The following DYNC2H1 variants were observed in gnomAD, a reference collection of about 807,000 sequenced individuals.
DYNC2H1 encodes the protein dynein cytoplasmic 2 heavy chain 1, also known as cytoplasmic dynein 2 heavy chain 1.
In DYNC2H1, 410 loss-of-function variants were observed where a neutral mutation model predicts 570.0. That is an observed-to-expected ratio of 0.72 (90% CI 0.66 to 0.78). DYNC2H1 has a LOEUF of 0.78. DYNC2H1 is among the 30% of genes least tolerant of loss of function. The probability of loss-of-function intolerance (pLI) is 0.00; values close to 1 mark genes in which losing one functional copy is unlikely to be tolerated. For synonymous variants in DYNC2H1, 1,688 were observed against 1,677.6 expected, an observed-to-expected ratio of 1.01 and a Z score of -0.15; for missense variants, 4,865 against 5,046.4, an observed-to-expected ratio of 0.96 and a Z score of 1.09.
intron 83 of DYNC2H1, among the ~76,000 whole-genome samples, chr11:103,393,649 G>A (rs981221070): frequency 6.6e-6 from 1 of 152,184 alleles, no homozygotes; most frequent in African/African-American, 2.4e-5. Context: ...TTAGAAATAT[G>A]TAATAGCATT....
intron 31 of DYNC2H1, among the ~76,000 whole-genome samples, chr11:103,167,726 T>C (rs994044203): frequency 6.6e-6 from 1 of 152,222 alleles, no homozygotes; most frequent in Non-Finnish European, 1.5e-5. Flanking sequence ...AATATTATGT[T>C]ATGAGGGTTT....
chr11:103,236,617 C>G (rs1483611997), intron 63 of DYNC2H1, 78 bp downstream of exon 63: 1 of 760,230 alleles, frequency 1.3e-6, no homozygotes, highest in East Asian at 2.9e-5. Context: ...TCTTCGTATT[C>G]TTAGTCTTTC....
chr11:103,317,654 G>A (rs1473514429), intron 80 of DYNC2H1, among the ~76,000 whole-genome samples: 1 of 152,096 alleles, frequency 6.6e-6, no homozygotes, highest in Non-Finnish European at 1.5e-5. Flanking sequence ...CTTACTTGAA[G>A]GTTTTAATAG....
chr11:103,226,372 A>G (rs536907244), intron 59 of DYNC2H1, among the ~76,000 whole-genome samples: 79 of 152,280 alleles, frequency 5.2e-4, no homozygotes, highest in Middle Eastern at 3.4e-3. Context: ...GGCTTTTATT[A>G]CCTTAAGGTA....
At chr11:103,308,642 C>T (rs1227283658) in intron 78 of DYNC2H1, among the ~76,000 whole-genome samples, 1 of 152,162 alleles carries the variant, frequency 6.6e-6, no homozygotes, top group Non-Finnish European at 1.5e-5. Flanking sequence ...TCCACATCCT[C>T]ACCAACACTT....
intron 85 of DYNC2H1, among the ~76,000 whole-genome samples, chr11:103,440,014 T>C (rs1440697726): frequency 1.3e-5 from 2 of 152,262 alleles, no homozygotes; most frequent in East Asian, 3.9e-4. Flanking sequence ...TTCTAAATTC[T>C]AGCGTGTTCT....
At chr11:103,134,699 A>G (rs1859449516) in intron 15 of DYNC2H1, among the ~76,000 whole-genome samples, 1 of 152,122 alleles carries the variant, frequency 6.6e-6, no homozygotes, top group African/African-American at 2.4e-5. Flanking sequence ...TTAAATATCT[A>G]TCACTTATTA....
At chr11:103,171,787 T>C (rs1012567932) in intron 34 of DYNC2H1, among the ~76,000 whole-genome samples, 12 of 152,132 alleles carry the variant, frequency 7.9e-5, no homozygotes, top group African/African-American at 2.4e-4. Flanking sequence ...GAGCTAGGAA[T>C]TGAACCCAGG....
intron 83 of DYNC2H1, among the ~76,000 whole-genome samples, chr11:103,360,844 G>A (rs1366160073): frequency 6.6e-6 from 1 of 152,106 alleles, no homozygotes; most frequent in African/African-American, 2.4e-5. Context: ...CAGATGCTGT[G>A]GGTGGAAAGC....
chr11:103,221,910 C>A, intron 57 of DYNC2H1, 120 bp from the exon 58 acceptor site: 2 of 985,702 alleles, frequency 2.0e-6, no homozygotes, highest in Non-Finnish European at 3.0e-6. Flanking sequence ...GGTTTTAATA[C>A]CATATTTTTG....
rs75515455 is a variant in DYNC2H1, at chr11:103,231,640, G to T, written c.9440+294G>T. 1.6e-4 allele frequency among the ~76,000 whole-genome samples: 24 copies of T among 152,018 alleles called. No homozygotes were observed. The East Asian group carries it at 4.6e-3, about 29-fold the overall frequency. ...TTTCATGTATCCCATTTAGTACAGG[G>T]TAGAAAATATTGGTATGGGAATTAT... On this transcript the variant is annotated intron_variant, in intron 60 of 88. Transcript: ENST00000375735.
chr11:103,387,661 C>A (rs112954507), intron 83 of DYNC2H1, among the ~76,000 whole-genome samples: 1 of 152,112 alleles, frequency 6.6e-6, no homozygotes, highest in Non-Finnish European at 1.5e-5. Context: ...TTTAATCCAT[C>A]TTGAATTAAT....
At chr11:103,160,816 A>G (rs1023991639) in intron 28 of DYNC2H1, 116 bp from the exon 29 acceptor site, 2 of 509,390 alleles carry the variant, frequency 3.9e-6, no homozygotes, top group Non-Finnish European at 6.7e-6. Context: ...GGTATACATT[A>G]TAATTTGATT....
At chr11:103,131,982 A>G (rs1018699744) in intron 13 of DYNC2H1, among the ~76,000 whole-genome samples, 7 of 152,216 alleles carry the variant, frequency 4.6e-5, no homozygotes, top group African/African-American at 7.2e-5. Flanking sequence ...GTCTTTTGCC[A>G]CATTTGTTAA....
intron 75 of DYNC2H1, among the ~76,000 whole-genome samples, chr11:103,298,790 C>T (rs554889162): frequency 8.5e-5 from 13 of 152,138 alleles, no homozygotes; most frequent in Admixed American, 5.9e-4. Flanking sequence ...ATGGAAAGAT[C>T]TTTATTAAGT....
chr11:103,380,233 C>T (rs1234351103), intron 83 of DYNC2H1, among the ~76,000 whole-genome samples: 1 of 152,198 alleles, frequency 6.6e-6, no homozygotes, highest in Non-Finnish European at 1.5e-5. Flanking sequence ...AGATAACTCA[C>T]TACCTTTGTA....
intron 82 of DYNC2H1, among the ~76,000 whole-genome samples, chr11:103,339,254 G>A (rs1440887482): frequency 6.6e-6 from 1 of 152,046 alleles, no homozygotes; most frequent in Non-Finnish European, 1.5e-5. Context: ...ACAGTTGACT[G>A]CATTAGAACA....
At chr11:103,282,763 T>A (rs930667464) in intron 72 of DYNC2H1, among the ~76,000 whole-genome samples, 6 of 152,070 alleles carry the variant, frequency 3.9e-5, no homozygotes, top group South Asian at 4.1e-4. Flanking sequence ...GACATTTGAG[T>A]TTTTCTGAAG....
chr11:103,139,066 T>G (rs1396759075), intron 17 of DYNC2H1, among the ~76,000 whole-genome samples: 1 of 150,594 alleles, frequency 6.6e-6, no homozygotes, highest in East Asian at 1.9e-4. Context: ...GATATCCCCT[T>G]TATCATTTTT....
Sources: gnomAD v4.1 joint callset for allele counts (sites outside exome capture counted in the v4.1 genomes callset) on GRCh38, gnomAD v4.1.1 for gene constraint, MANE v1.5 for transcripts, NCBI Gene and HGNC (gene_info 2026-07-23, HGNC 2026-07-21) for gene names.